Variants in NLGN1 observed in about 807,000 individuals in gnomAD.
NLGN1 encodes neuroligin-1.
Under a neutral mutation model 65.5 loss-of-function variants are expected in NLGN1, and 12 were observed. That is an observed-to-expected ratio of 0.18 (90% CI 0.12 to 0.30). The LOEUF is 0.30. NLGN1 is among the 10% of genes least tolerant of loss of function. The pLI is 1.00. For missense variants in NLGN1, 750 were observed against 1,007.1 expected (o/e 0.74, Z 3.46); for synonymous variants, 350 against 359.5 (o/e 0.97, Z 0.30).
At chr3:174,278,696 C>A (rs993428622) in intron 5 of NLGN1, among the ~76,000 whole-genome samples, 165 bp from the exon 6 acceptor site, 2 of 151,946 alleles carry the variant, frequency 1.3e-5, no homozygotes, top group Admixed American at 6.6e-5. Flanking sequence ...ATCCATTATA[C>A]CCTGCGGTTG....
intron 1 of NLGN1, among the ~76,000 whole-genome samples, chr3:173,408,203 AAT>A (rs756534294): frequency 9.9e-5 from 15 of 152,100 alleles, no homozygotes; most frequent in Non-Finnish European, 1.9e-4. Context: ...TGCCTCACAC[AAT>A]ATGTCTTCTT....
chr3:173,539,804 A>ACATATAT (rs1738454799), intron 2 of NLGN1, among the ~76,000 whole-genome samples: 2 of 117,620 alleles, frequency 1.7e-5, no homozygotes, highest in South Asian at 5.4e-4. Context: ...ATACATATAT[A>ACATATAT]TACATATATA....
At chr3:173,699,063 T>A (rs1394642006) in intron 3 of NLGN1, among the ~76,000 whole-genome samples, 4 of 152,070 alleles carry the variant, frequency 2.6e-5, no homozygotes, top group Non-Finnish European at 5.9e-5. Flanking sequence ...TCCAGGTTGT[T>A]CAGGCTGGTC....
intron 4 of NLGN1, among the ~76,000 whole-genome samples, chr3:174,086,204 T>TGC (rs1365353667): frequency 7.0e-5 from 9 of 129,012 alleles, no homozygotes; most frequent in East Asian, 2.3e-4. Flanking sequence ...TGTGTGTGTG[T>TGC]GCGTGTGTGT....
chr3:173,596,061 C>T (rs889292357), intron 2 of NLGN1, among the ~76,000 whole-genome samples: 2 of 152,166 alleles, frequency 1.3e-5, no homozygotes, highest in Non-Finnish European at 2.9e-5. Flanking sequence ...CCAGGTATAA[C>T]GTCTACCATG....
chr3:173,722,121 C>G (rs941892987), intron 3 of NLGN1, among the ~76,000 whole-genome samples: 2 of 152,032 alleles, frequency 1.3e-5, no homozygotes, highest in African/African-American at 4.8e-5. Flanking sequence ...TAAAAGAGCT[C>G]CAAAGTTGGT....
At chr3:173,642,251 G>A (rs1757530180) in intron 3 of NLGN1, among the ~76,000 whole-genome samples, 1 of 152,094 alleles carries the variant, frequency 6.6e-6, no homozygotes, top group Admixed American at 6.6e-5. Context: ...AAAAAAACAG[G>A]CAAAATATGC....
chr3:173,532,609 T>C (rs1252838043), intron 2 of NLGN1, among the ~76,000 whole-genome samples: 2 of 152,188 alleles, frequency 1.3e-5, no homozygotes, highest in African/African-American at 2.4e-5. Context: ...ATAAGCAAAG[T>C]CCGATAGAGT....
intron 4 of NLGN1, among the ~76,000 whole-genome samples, chr3:173,852,950 T>G (rs1235844042): frequency 6.6e-6 from 1 of 152,232 alleles, no homozygotes; most frequent in Non-Finnish European, 1.5e-5. Context: ...CCAGGTACTC[T>G]CAAGTGGGTT....
At chr3:173,841,461 G>C (rs994105823) in intron 4 of NLGN1, among the ~76,000 whole-genome samples, 3 of 152,154 alleles carry the variant, frequency 2.0e-5, no homozygotes, top group African/African-American at 7.2e-5. Context: ...GATGAATTCA[G>C]CTATTTGTGT....
intron 4 of NLGN1, among the ~76,000 whole-genome samples, chr3:173,878,170 T>C (rs1732499785): frequency 6.6e-6 from 1 of 152,094 alleles, no homozygotes; most frequent in African/African-American, 2.4e-5. Context: ...GCCTCCCAAG[T>C]AGCTAGGACT....
intron 4 of NLGN1, among the ~76,000 whole-genome samples, chr3:173,926,223 C>G (rs1742978231): frequency 6.6e-6 from 1 of 151,884 alleles, no homozygotes; most frequent in Admixed American, 6.6e-5. Flanking sequence ...GACTACCACT[C>G]TTAACAATTT....
intron 3 of NLGN1, among the ~76,000 whole-genome samples, chr3:173,709,493 A>G (rs1015582262): frequency 6.6e-6 from 1 of 152,134 alleles, no homozygotes; most frequent in African/African-American, 2.4e-5. Flanking sequence ...GTATGTATCT[A>G]GGAAAGCATA....
At chr3:173,751,973 T>C (rs73050446) in intron 3 of NLGN1, among the ~76,000 whole-genome samples, 32,877 of 151,970 alleles carry the variant, frequency 0.22, 3,751 homozygotes, top group African/African-American at 0.3. Context: ...AGGCCTGTGC[T>C]TGTTAAAACA....
intron 4 of NLGN1, among the ~76,000 whole-genome samples, chr3:173,898,031 CA>C (rs146685453): frequency 7.3e-5 from 11 of 150,882 alleles, no homozygotes; most frequent in East Asian, 3.9e-4. Flanking sequence ...GATTCAATAG[CA>C]AAAAAAAATC....
At chr3:173,740,991 A>G (rs1297475578) in intron 3 of NLGN1, among the ~76,000 whole-genome samples, 2 of 152,188 alleles carry the variant, frequency 1.3e-5, no homozygotes, top group African/African-American at 4.8e-5. Context: ...CACGCAAAGT[A>G]TTATTAGCAT....
At chr3:174,107,116 A>G (rs1229595113) in intron 4 of NLGN1, among the ~76,000 whole-genome samples, 2 of 151,710 alleles carry the variant, frequency 1.3e-5, no homozygotes, top group East Asian at 3.9e-4. Context: ...TTAACCATCA[A>G]AGGTCTTATG....
intron 3 of NLGN1, among the ~76,000 whole-genome samples, chr3:173,702,786 G>A (rs1767437399): frequency 2.0e-5 from 3 of 152,006 alleles, no homozygotes; most frequent in Admixed American, 6.6e-5. Context: ...TGTGCAGTTA[G>A]GAGGAAAAAA....
intron 2 of NLGN1, among the ~76,000 whole-genome samples, chr3:173,491,248 TATTATTTTGAGATACGTCCC>T (rs1729101090): frequency 1.3e-5 from 2 of 151,888 alleles, no homozygotes; most frequent in African/African-American, 2.4e-5. Flanking sequence ...AGATAGCTCT[TATTATTTTGAGATACGTCCC>T]ATCAATACCT....
Sources: gnomAD v4.1 joint callset for allele counts (sites outside exome capture counted in the v4.1 genomes callset) on GRCh38, gnomAD v4.1.1 for gene constraint, MANE v1.5 for transcripts, NCBI Gene and HGNC (gene_info 2026-07-23, HGNC 2026-07-21) for gene names.